Variants in KIF1B observed in about 807,000 individuals in gnomAD.
KIF1B encodes kinesin-like protein KIF1B.
In KIF1B, 76 loss-of-function variants were observed where a neutral mutation model predicts 241.9. The observed-to-expected ratio is 0.31, with a 90% CI of 0.26 to 0.38. The LOEUF (loss-of-function observed/expected upper bound fraction) is 0.38. Among genes scored for constraint, KIF1B ranks in the 10% least tolerant of loss-of-function variants. KIF1B has a pLI of 1.00. For missense variants in KIF1B, 1,622 were observed against 2,271.4 expected, an observed-to-expected ratio of 0.71 and a Z score of 5.81; for synonymous variants, 750 against 796.7, an observed-to-expected ratio of 0.94 and a Z score of 0.99.
chr1:10,255,586 T>C (rs1384970986), intron 2 of KIF1B, among the ~76,000 whole-genome samples: 1 of 152,154 alleles, frequency 6.6e-6, no homozygotes, highest in East Asian at 1.9e-4. Context: ...CAAGACTCTG[T>C]CTTCAAAAAG....
chr1:10,365,161 G>T lies in KIF1B; in HGVS notation c.4428G>T (p.Glu1476Asp). ...DTSVAYVRGEENLAGWRPRGD... is the reference protein window; with the variant it reads ...DTSVAYVRGEDNLAGWRPRGD... Reference sequence around the variant, plus strand: ...CAGTGGCATATGTGCGGGGAGAAGAGAACTTAGCAGGCTGGCGGCCCCGTG... The same window carrying T: ...CAGTGGCATATGTGCGGGGAGAAGATAACTTAGCAGGCTGGCGGCCCCGTG... Residue 1476 changes from glutamate (E) to aspartate (D), a missense_variant, in exon 42 of 49, where the codon GAG (glutamate) becomes GAT (aspartate). Around this residue, in one of 7 missense-constraint regions of KIF1B, gnomAD observed 803 missense variants for 1,112.0 expected, o/e 0.72. Coordinates refer to ENST00000676179, the MANE Select transcript of KIF1B (RefSeq NM_001365951.3). The surrounding 1 kb of genome is among the most constrained non-coding windows in gnomAD (Gnocchi z 4.0). The T allele has an allele frequency of 6.2e-7, 1 of 1,614,098 alleles. No homozygotes were observed. Among genetic ancestry groups the T allele is most frequent in the Non-Finnish European group, 8.5e-7 (1 of 1,180,018 alleles).
Position 10,322,243 on chromosome 1 carries a change from A to G in KIF1B, c.2358+386A>G, listed in dbSNP as rs1651552798. On this transcript the variant is annotated intron_variant, in intron 24 of 48. Transcript: ENST00000676179. ...TTTGCCATTGATCTGCTTCTCCTCT[A>G]GGGTCTGAGAGGCACTGCTGTGTAG... is the stretch of plus-strand genomic sequence containing the variant. Among the ~76,000 whole-genome samples, 3 of 152,096 alleles carry G rather than the reference A, an allele frequency of 2.0e-5. No homozygotes were observed. The South Asian group carries it at 6.2e-4, about 32-fold the overall frequency.
At chr1:10,241,797 T>C (rs1313841075) in intron 2 of KIF1B, among the ~76,000 whole-genome samples, 1 of 152,184 alleles carries the variant, frequency 6.6e-6, no homozygotes, top group African/African-American at 2.4e-5. Flanking sequence ...AGAGGTGTTT[T>C]GGAGTTCATT....
chr1:10,278,660 A>G (rs190324116), intron 13 of KIF1B: 75 of 180,446 alleles, frequency 4.2e-4, no homozygotes, highest in Non-Finnish European at 8.3e-5. Flanking sequence ...GAAAAGTTCA[A>G]TTCCTATGAA....
At chr1:10,257,484 A>T (rs553750264) in intron 3 of KIF1B, among the ~76,000 whole-genome samples, 2 of 151,868 alleles carry the variant, frequency 1.3e-5, no homozygotes, top group East Asian at 3.9e-4. Flanking sequence ...CAAAAAAAAA[A>T]AAAGGAAAGA....
chr1:10,313,214 C>T (rs536176736), intron 22 of KIF1B, among the ~76,000 whole-genome samples: 4 of 151,378 alleles, frequency 2.6e-5, no homozygotes, highest in East Asian at 1.9e-4. Context: ...TACAGGCACA[C>T]GCCACCACGC....
At position 10,295,697 on chromosome 1, in the gene KIF1B, G is replaced by C. The variant is rs1257881121; in HGVS notation, c.1708G>C (p.Val570Leu). 3.1e-6 allele frequency: 5 copies of C among 1,613,738 alleles called. No individual in the cohort carries two copies. The highest frequency in any genetic ancestry group is 3.3e-5 in the Admixed American group (2 of 60,002). Residue 570 changes from valine (V) to leucine (L), a missense_variant, in exon 19 of 49, where the codon GTG becomes CTG. By Grantham distance (32) the Val-to-Leu change is conservative (BLOSUM62 1). Around this residue, in one of 7 missense-constraint regions of KIF1B, gnomAD observed 57 missense variants for 149.0 expected, o/e 0.38. Coordinates refer to ENST00000676179, the MANE Select transcript of KIF1B (RefSeq NM_001365951.3). ...QADAERRQDI[V>L]LSGAHIKEEH... ...AGATGCTGAGCGGCGCCAGGACATA[G>C]TGCTGAGCGGGGCTCACATTAAAGA...
chr1:10,240,231 C>T (rs1470867865), intron 2 of KIF1B, among the ~76,000 whole-genome samples: 7 of 150,992 alleles, frequency 4.6e-5, no homozygotes, highest in African/African-American at 1.5e-4. Context: ...ATTTATGAGG[C>T]GGAGTCTCAC....
chr1:10,259,934 C>T (rs115769601), intron 4 of KIF1B, among the ~76,000 whole-genome samples: 2,834 of 151,836 alleles, frequency 0.019, 39 homozygotes, highest in Non-Finnish European at 0.028. Context: ...CAGGCATGAG[C>T]CACTGTGCGG....
chr1:10,292,041 T>C lies in KIF1B; in HGVS notation c.1515-6T>C, dbSNP rs766316482. Reference sequence around the variant, plus strand: ...TAGTGTTCTGATATACCTGTTTTTTTCCTAGAGAGGCTTTGTTGGCTGAGA... The same window carrying C: ...TAGTGTTCTGATATACCTGTTTTTTCCCTAGAGAGGCTTTGTTGGCTGAGA... On this transcript the variant is annotated splice_region_variant and splice_polypyrimidine_tract_variant and intron_variant, in intron 16 of 48. Transcript: ENST00000676179. The C allele has an allele frequency of 1.9e-6, 3 of 1,613,682 alleles. No homozygotes were observed. Among genetic ancestry groups the C allele is most frequent in the South Asian group, 2.2e-5 (2 of 91,076 alleles).
chr1:10,319,008 T>C (rs1038272817), intron 22 of KIF1B, among the ~76,000 whole-genome samples: 1 of 152,094 alleles, frequency 6.6e-6, no homozygotes, highest in Admixed American at 6.5e-5. Context: ...CTGAGAACCA[T>C]TTTTTGGCCC....
chr1:10,212,204 A>G (rs1646702164), intron 1 of KIF1B, among the ~76,000 whole-genome samples: 1 of 152,310 alleles, frequency 6.6e-6, no homozygotes, highest in East Asian at 1.9e-4. Context: ...AAGAGGTGAT[A>G]TCATGGTGGA....
chr1:10,331,622 G>A (rs1651924273), intron 27 of KIF1B, among the ~76,000 whole-genome samples: 1 of 152,176 alleles, frequency 6.6e-6, no homozygotes, highest in African/African-American at 2.4e-5. Context: ...CAAATACCCA[G>A]TCTATCCTCC....
At chr1:10,361,665 A>G in intron 39 of KIF1B, 27 bp from the exon 40 acceptor site, 4 of 1,612,972 alleles carry the variant, frequency 2.5e-6, no homozygotes, top group Non-Finnish European at 3.4e-6. Flanking sequence ...CCTGCACTTC[A>G]TCAGCACCTA....
At chr1:10,295,596 G>A in intron 18 of KIF1B, 64 bp from the exon 19 acceptor site, 2 of 1,402,370 alleles carry the variant, frequency 1.4e-6, no homozygotes, top group Non-Finnish European at 2.0e-6. Context: ...GAATAAAGAG[G>A]TTCATTGTTT....
chr1:10,324,207 AT>A, intron 25 of KIF1B, 145 bp downstream of exon 25: 1 of 763,940 alleles, frequency 1.3e-6, no homozygotes, highest in Non-Finnish European at 2.3e-6. Context: ...GGCCAATGGT[AT>A]TACCATCCAT....
At chr1:10,214,194 C>G (rs545468583) in intron 1 of KIF1B, among the ~76,000 whole-genome samples, 1 of 152,092 alleles carries the variant, frequency 6.6e-6, no homozygotes, top group Admixed American at 6.6e-5. Flanking sequence ...CATTGATGCT[C>G]TTTTACTATA....
chr1:10,222,284 C>T (rs778175550), intron 1 of KIF1B, among the ~76,000 whole-genome samples: 7 of 152,132 alleles, frequency 4.6e-5, no homozygotes, highest in Non-Finnish European at 8.8e-5. Flanking sequence ...GGAGATTGGG[C>T]TCCTAGGAAT....
chr1:10,307,943 T>C (rs1179429987), intron 22 of KIF1B: 1 of 1,053,572 alleles, frequency 9.5e-7, no homozygotes, highest in Non-Finnish European at 1.1e-6. Flanking sequence ...CTCTTTTCAC[T>C]GGTAATGTGA....
Sources: allele counts gnomAD v4.1 joint callset (sites outside exome capture counted in the v4.1 genomes callset), GRCh38; gene constraint gnomAD v4.1.1; regional missense constraint gnomAD v4.1.1; non-coding constraint Gnocchi (gnomAD v3.1); transcripts MANE v1.5; gene names NCBI Gene and HGNC (gene_info 2026-07-23, HGNC 2026-07-21).